PPP1R9A: variants seen among roughly 807,000 people sequenced by gnomAD.
The protein encoded by PPP1R9A is protein phosphatase 1 regulatory subunit 9A.
Under a neutral mutation model 141.9 loss-of-function variants are expected in PPP1R9A, and 59 were observed. The observed-to-expected ratio is 0.42, with a 90% CI of 0.34 to 0.52. The LOEUF is 0.52. Among genes scored for constraint, PPP1R9A ranks in the 20% least tolerant of loss-of-function variants. PPP1R9A has a pLI of 0.10. For synonymous variants in PPP1R9A, 500 were observed against 569.7 expected (o/e 0.88, Z 1.74); for missense variants, 1,444 against 1,611.9 (o/e 0.90, Z 1.78).
intron 5 of PPP1R9A, chr7:95,176,566 C>T (rs573109490): frequency 6.6e-6 from 1 of 151,494 alleles, no homozygotes; most frequent in East Asian, 1.9e-4. Context: ...TTAAGCTAAT[C>T]AGGAAGGCAC....
intron 6 of PPP1R9A, among the ~76,000 whole-genome samples, chr7:95,198,971 A>G (rs1247022642): frequency 2.0e-5 from 3 of 152,244 alleles, no homozygotes; most frequent in Non-Finnish European, 4.4e-5. Context: ...CCCCAGGAAG[A>G]AAAAGTTCTT....
chr7:95,200,237 T>G (rs1789244274), intron 6 of PPP1R9A, among the ~76,000 whole-genome samples: 1 of 151,858 alleles, frequency 6.6e-6, no homozygotes, highest in Admixed American at 6.6e-5. Context: ...GCTGATCACA[T>G]TCATCCCCAA....
chr7:95,072,687 ATAT>A (rs1182319573), intron 2 of PPP1R9A, among the ~76,000 whole-genome samples: 1 of 116,730 alleles, frequency 8.6e-6, no homozygotes, highest in African/African-American at 3.4e-5. Flanking sequence ...TACATATTAT[ATAT>A]TATGTAATAT....
intron 5 of PPP1R9A, chr7:95,175,136 G>A (rs1379698852): frequency 6.6e-6 from 1 of 152,144 alleles, no homozygotes; most frequent in African/African-American, 2.4e-5. Flanking sequence ...ATAAAAGTGA[G>A]TTAATATGTC....
At chr7:94,921,567 A>G (rs1792840421) in intron 2 of PPP1R9A, among the ~76,000 whole-genome samples, 1 of 152,116 alleles carries the variant, frequency 6.6e-6, no homozygotes, top group Non-Finnish European at 1.5e-5. Context: ...AAAGACATAA[A>G]TTTGCACTTT....
intron 4 of PPP1R9A, among the ~76,000 whole-genome samples, chr7:95,131,052 T>G (rs180774792): frequency 6.6e-6 from 1 of 152,204 alleles, no homozygotes; most frequent in Non-Finnish European, 1.5e-5. Flanking sequence ...GGTTTTGAAA[T>G]GTCAGGACAT....
rs566291164 is a variant in PPP1R9A, at chr7:95,022,807, A to C, written c.1396-88452A>C. 5.1e-3 allele frequency among the ~76,000 whole-genome samples: 782 copies of C among 152,228 alleles called. 8 individuals are homozygous for C. Among genetic ancestry groups the C allele is most frequent in the African/African-American group, 0.017 (724 of 41,538 alleles). ...TATTGATTTGTGTATGTTGAACCAG[A>C]CTTGCATCTCAGGGATGAAGCCAAC... is the stretch of plus-strand genomic sequence containing the variant. On this transcript the variant is annotated intron_variant, in intron 2 of 19. Transcript: ENST00000433360.
At chr7:95,107,571 A>G (rs1400154131) in intron 2 of PPP1R9A, among the ~76,000 whole-genome samples, 1 of 152,148 alleles carries the variant, frequency 6.6e-6, no homozygotes, top group African/African-American at 2.4e-5. Flanking sequence ...TTTTTCAGAT[A>G]GGTATCTAAT....
intron 2 of PPP1R9A, among the ~76,000 whole-genome samples, chr7:95,024,947 C>T (rs1185963616): frequency 1.3e-5 from 2 of 152,136 alleles, no homozygotes; most frequent in Non-Finnish European, 2.9e-5. Context: ...GTGCTTCCTT[C>T]AGGAGCTCTT....
intron 5 of PPP1R9A, among the ~76,000 whole-genome samples, chr7:95,179,243 C>G (rs897138060): frequency 1.3e-5 from 2 of 152,078 alleles, no homozygotes; most frequent in Non-Finnish European, 2.9e-5. Flanking sequence ...AGATGTGATA[C>G]ACTACATAAA....
chr7:95,036,801 T>A (rs1414604877), intron 2 of PPP1R9A: 1 of 152,224 alleles, frequency 6.6e-6, no homozygotes, highest in Non-Finnish European at 1.5e-5. Flanking sequence ...AAATGTTTTA[T>A]TATTGACCTC....
intron 17 of PPP1R9A, among the ~76,000 whole-genome samples, chr7:95,284,595 T>G (rs1804931528): frequency 1.3e-5 from 2 of 152,238 alleles, no homozygotes; most frequent in Admixed American, 6.5e-5. Context: ...TTCACTGTGC[T>G]TCTCAAGATT....
intron 2 of PPP1R9A, among the ~76,000 whole-genome samples, chr7:95,095,304 C>G (rs1219202340): frequency 2.0e-5 from 3 of 152,100 alleles, no homozygotes; most frequent in South Asian, 4.1e-4. Flanking sequence ...ATTTAAGAAG[C>G]CTATTTACAA....
rs1430490445 is a variant in PPP1R9A, at chr7:94,910,983, T to G, written c.870T>G (p.Ala290=). The G allele has an allele frequency of 6.2e-7, 1 of 1,614,116 alleles. No individual in the cohort carries two copies. Among genetic ancestry groups the G allele is most frequent in the East Asian group, 2.2e-5 (1 of 44,882 alleles). The part of the protein sequence containing the change: ...PEVASKSTSL[A]SIPGEEIQQS... The stretch of plus-strand genomic sequence containing the variant: ...TGGCTTCTAAAAGTACCTCTCTAGC[T>G]TCGATACCTGGTGAAGAGATCCAGC... Residue 290 remains alanine (A), a synonymous_variant, in exon 2 of 20, where the codon GCT becomes GCG. Coordinates refer to ENST00000433360, the MANE Select transcript of PPP1R9A (RefSeq NM_001166160.2). This position sits in a 1 kb window ranked among gnomAD's most constrained non-coding sequence, Gnocchi z 4.5.
intron 7 of PPP1R9A, among the ~76,000 whole-genome samples, chr7:95,223,950 G>A (rs1014355579): frequency 3.3e-5 from 5 of 151,770 alleles, no homozygotes; most frequent in African/African-American, 1.2e-4. Flanking sequence ...CCAAGTATTT[G>A]TTGGTTCTAG....
intron 7 of PPP1R9A, among the ~76,000 whole-genome samples, chr7:95,216,550 C>T (rs1793467073): frequency 6.6e-6 from 1 of 152,100 alleles, no homozygotes; most frequent in Non-Finnish European, 1.5e-5. Flanking sequence ...TATAAATTAC[C>T]TTGGGCAGTA....
chr7:95,083,962 A>G (rs1380258554), intron 2 of PPP1R9A, among the ~76,000 whole-genome samples: 1 of 152,068 alleles, frequency 6.6e-6, no homozygotes, highest in East Asian at 1.9e-4. Flanking sequence ...GAAAGTAGCC[A>G]GAGACAAAGG....
chr7:95,283,732 C>T (rs1804725026), intron 16 of PPP1R9A, among the ~76,000 whole-genome samples: 1 of 152,164 alleles, frequency 6.6e-6, no homozygotes, highest in African/African-American at 2.4e-5. Context: ...AAGACTGTGC[C>T]CCTCCCTGAT....
At chr7:95,229,485 A>G (rs1337555530) in intron 8 of PPP1R9A, among the ~76,000 whole-genome samples, 1 of 151,926 alleles carries the variant, frequency 6.6e-6, no homozygotes, top group South Asian at 2.1e-4. Context: ...AGTGAGGCCT[A>G]TGACTTCCGG....
Sources: allele counts gnomAD v4.1 joint callset (sites outside exome capture counted in the v4.1 genomes callset), GRCh38; gene constraint gnomAD v4.1.1; non-coding constraint Gnocchi (gnomAD v3.1); transcripts MANE v1.5; gene names NCBI Gene and HGNC (gene_info 2026-07-23, HGNC 2026-07-21).